Variants in SLC20A2 observed in about 807,000 individuals in gnomAD.
The protein encoded by SLC20A2 is sodium-dependent phosphate transporter 2.
In SLC20A2, 30 loss-of-function variants were observed where a neutral mutation model predicts 61.0. The ratio of observed to expected loss-of-function variants is 0.49; its 90% confidence interval spans 0.37 to 0.67. The LOEUF is 0.67. SLC20A2 is among the 30% of genes least tolerant of loss of function. The pLI is 0.00. For missense variants in SLC20A2, 626 were observed against 866.4 expected, an observed-to-expected ratio of 0.72 and a Z score of 3.48; for synonymous variants, 351 against 353.3, an observed-to-expected ratio of 0.99 and a Z score of 0.07.
At chr8:42,432,298 T>A (rs1803930773) in intron 8 of SLC20A2, among the ~76,000 whole-genome samples, 1 of 152,236 alleles carries the variant, frequency 6.6e-6, no homozygotes, top group African/African-American at 2.4e-5. Flanking sequence ...ACTGCAGATG[T>A]GGTGGAAACA....
intron 3 of SLC20A2, among the ~76,000 whole-genome samples, 185 bp downstream of exon 3, chr8:42,465,592 G>A (rs1319418515): frequency 2.0e-5 from 3 of 151,550 alleles, no homozygotes; most frequent in Non-Finnish European, 4.4e-5. Flanking sequence ...TCAGGAGGTT[G>A]AGGCAGGAGA....
chr8:42,444,855 C>A, intron 5 of SLC20A2, 93 bp from the exon 6 acceptor site: 1 of 801,056 alleles, frequency 1.2e-6, no homozygotes, highest in Admixed American at 2.2e-5. Context: ...AAATCGAGAA[C>A]GAATCACCTG....
At chr8:42,537,277 T>C (rs528812374) in intron 1 of SLC20A2, among the ~76,000 whole-genome samples, 1 of 147,130 alleles carries the variant, frequency 6.8e-6, no homozygotes, top group East Asian at 2.0e-4. Flanking sequence ...CCAGCTACTC[T>C]GGAGGCTGAG....
chr8:42,473,909 G>A (rs1021459832), intron 1 of SLC20A2, among the ~76,000 whole-genome samples: 4 of 152,102 alleles, frequency 2.6e-5, no homozygotes, highest in Non-Finnish European at 1.5e-5. Context: ...AGTGGCTCAC[G>A]CCTATAATCT....
In SLC20A2 at chr8:42,463,080, C is replaced by T; in HGVS notation, c.441G>A (p.Trp147Ter). The change falls in exon 4 of 11, where the codon TGG becomes TGA. Residue 147 changes from tryptophan (W) to a stop codon, truncating the protein, a stop_gained. Coordinates refer to ENST00000520262, the MANE Select transcript of SLC20A2 (RefSeq NM_001257180.2). LOFTEE classifies it high-confidence loss of function. Reference protein sequence around the residue: ...WMELVKIVASWFISPLLSGFM... With the variant: ...WMELVKIVAS ...AACCAGACAACAGTGGAGATATAAA[C>T]CAAGAAGCAACTGAATAATTAAAAA... 6.3e-7 allele frequency: 1 copy of T among 1,582,548 alleles called. No homozygotes were observed.
intron 1 of SLC20A2, among the ~76,000 whole-genome samples, chr8:42,520,494 A>G (rs1811582165): frequency 8.4e-6 from 1 of 119,656 alleles, no homozygotes; most frequent in Non-Finnish European, 2.0e-5. Context: ...TGGGAGGCCG[A>G]GGTGGGCGGA....
At chr8:42,535,729 T>C (rs1812655535) in intron 1 of SLC20A2, among the ~76,000 whole-genome samples, 2 of 152,200 alleles carry the variant, frequency 1.3e-5, no homozygotes, top group African/African-American at 4.8e-5. Flanking sequence ...CAGGGCTGGT[T>C]CTTCTTACTG....
At chr8:42,476,862 T>C (rs1808151097) in intron 1 of SLC20A2, among the ~76,000 whole-genome samples, 1 of 152,196 alleles carries the variant, frequency 6.6e-6, no homozygotes, top group Non-Finnish European at 1.5e-5. Flanking sequence ...AGACCTGCAG[T>C]CGGGGACTCT....
At position 42,421,397 on chromosome 8, in the gene SLC20A2, T is replaced by C. The variant is rs950330227; in HGVS notation, c.1795-3430A>G. ...TTTTTGCTGCAATTATGGTGGCAGT[T>C]TTTTTCCCTCCCGTTACATTTTCTA... is the stretch of plus-strand genomic sequence containing the variant. On this transcript the variant is annotated intron_variant, in intron 10 of 10. Coordinates refer to ENST00000520262, the MANE Select transcript of SLC20A2 (RefSeq NM_001257180.2). Among the ~76,000 whole-genome samples the C allele has an allele frequency of 2.0e-5, 3 of 152,306 alleles. No individual in the cohort carries two copies. The East Asian group carries it at 5.8e-4, about 29-fold the overall frequency.
chr8:42,438,944 T>A (rs1804550904), intron 7 of SLC20A2, among the ~76,000 whole-genome samples: 1 of 152,206 alleles, frequency 6.6e-6, no homozygotes, highest in Admixed American at 6.5e-5. Context: ...CTTGAATTCC[T>A]GACCTCAGGT....
intron 2 of SLC20A2, among the ~76,000 whole-genome samples, chr8:42,470,737 G>T (rs1368525810): frequency 2.0e-5 from 3 of 152,120 alleles, no homozygotes; most frequent in Admixed American, 6.5e-5. Context: ...ACTTTGAGAG[G>T]TGATGGTGGG....
At chr8:42,538,951 G>A (rs1812880764) in intron 1 of SLC20A2, among the ~76,000 whole-genome samples, 2 of 152,168 alleles carry the variant, frequency 1.3e-5, no homozygotes, top group Admixed American at 6.6e-5. Flanking sequence ...GGAGGCTGAG[G>A]AGGGCAGATA....
At chr8:42,439,373 C>T (rs1563457282) in intron 7 of SLC20A2, 77 bp downstream of exon 7, 8 of 1,415,300 alleles carry the variant, frequency 5.7e-6, no homozygotes, top group Non-Finnish European at 2.9e-6. Flanking sequence ...AGATTGCCCA[C>T]ACCCAGGCCC....
intron 1 of SLC20A2, among the ~76,000 whole-genome samples, chr8:42,537,370 CA>C (rs34392956): frequency 0.51 from 43,545 of 86,156 alleles, 6,419 homozygotes; most frequent in Middle Eastern, 0.59. Flanking sequence ...GACCCTGTCT[CA>C]AAAAAAAAAA....
At chr8:42,457,202 A>G (rs893713576) in intron 5 of SLC20A2, among the ~76,000 whole-genome samples, 49 of 152,118 alleles carry the variant, frequency 3.2e-4, no homozygotes, top group Non-Finnish European at 6.8e-4. Flanking sequence ...AGCGGGGATT[A>G]TAGGTGTGAG....
chr8:42,425,466 G>A (rs931193486), intron 10 of SLC20A2, among the ~76,000 whole-genome samples: 10 of 152,180 alleles, frequency 6.6e-5, no homozygotes, highest in African/African-American at 2.2e-4. Flanking sequence ...ACAACTGTGA[G>A]CTCTTCTCAG....
chr8:42,507,220 C>G (rs568263515), intron 1 of SLC20A2, among the ~76,000 whole-genome samples: 2 of 152,262 alleles, frequency 1.3e-5, no homozygotes, highest in South Asian at 2.1e-4. Context: ...CAAAAGCTGA[C>G]TAACACACAT....
intron 3 of SLC20A2, 94 bp from the exon 4 acceptor site, chr8:42,463,184 A>C: frequency 2.9e-6 from 2 of 688,484 alleles, no homozygotes; most frequent in South Asian, 2.1e-5. Flanking sequence ...AATGTATTAC[A>C]TACATTCATA....
intron 1 of SLC20A2, chr8:42,540,785 C>T (rs1418066439): frequency 6.6e-6 from 1 of 152,234 alleles, no homozygotes. Flanking sequence ...AAGGTGGCAC[C>T]AGCCACTGAC....
Sources: allele counts gnomAD v4.1 joint callset (sites outside exome capture counted in the v4.1 genomes callset), GRCh38; gene constraint gnomAD v4.1.1; transcripts MANE v1.5; gene names NCBI Gene and HGNC (gene_info 2026-07-23, HGNC 2026-07-21).